The following CTNNA1 variants were observed in gnomAD, a reference collection of about 807,000 sequenced individuals.
The protein encoded by CTNNA1 is catenin alpha-1.
Under a neutral mutation model 98.4 loss-of-function variants are expected in CTNNA1, and 37 were observed. The ratio of observed to expected loss-of-function variants is 0.38; its 90% CI spans 0.29 to 0.49. The LOEUF is 0.49. Ranked by LOEUF, CTNNA1 falls within the 20% of genes least tolerant of loss-of-function variation. CTNNA1 has a pLI of 0.95. For missense variants in CTNNA1, 761 were observed against 1,147.2 expected (o/e 0.66, Z 4.86); for synonymous variants, 404 against 413.2 (o/e 0.98, Z 0.27).
chr5:138,784,604 A>G (rs926413538), intron 3 of CTNNA1, among the ~76,000 whole-genome samples: 5 of 152,214 alleles, frequency 3.3e-5, no homozygotes, highest in Non-Finnish European at 7.4e-5. Context: ...TTAGTTTCCT[A>G]GGGCTTCTAT....
chr5:138,851,485 C>T (rs567856884), intron 7 of CTNNA1, among the ~76,000 whole-genome samples: 72 of 152,166 alleles, frequency 4.7e-4, no homozygotes, highest in African/African-American at 1.5e-3. Context: ...TGGCTGGGCG[C>T]GGTGGCTCAC....
chr5:138,877,388 T>C (rs1751842804), intron 7 of CTNNA1, among the ~76,000 whole-genome samples: 1 of 152,138 alleles, frequency 6.6e-6, no homozygotes, highest in South Asian at 2.1e-4. Context: ...TACAGGAACT[T>C]GCCCCCAAAA....
intron 16 of CTNNA1, chr5:138,932,132 AG>A (rs1209480734): frequency 2.5e-5 from 25 of 990,140 alleles, no homozygotes; most frequent in Non-Finnish European, 2.9e-5. Context: ...GCCTCAGAGC[AG>A]AAGAGTTAAC....
At chr5:138,890,599 G>A (rs190881266) in intron 9 of CTNNA1, among the ~76,000 whole-genome samples, 38 of 152,270 alleles carry the variant, frequency 2.5e-4, no homozygotes, top group South Asian at 1.0e-3. Flanking sequence ...TGAAATCAAG[G>A]TTCATCATCC....
chr5:138,908,252 G>A (rs576695157), intron 10 of CTNNA1, among the ~76,000 whole-genome samples: 10 of 152,154 alleles, frequency 6.6e-5, no homozygotes, highest in South Asian at 4.2e-4. Flanking sequence ...CACTGTGCCC[G>A]GCCTTTCATC....
intron 1 of CTNNA1, chr5:138,754,878 T>G (rs1392261458): frequency 6.6e-6 from 1 of 152,074 alleles, no homozygotes; most frequent in Non-Finnish European, 1.5e-5. Context: ...CCACCTCGGC[T>G]TCCGAAGTAG....
chr5:138,863,350 T>C (rs1414053814), intron 7 of CTNNA1, among the ~76,000 whole-genome samples: 1 of 152,112 alleles, frequency 6.6e-6, no homozygotes, highest in Non-Finnish European at 1.5e-5. Flanking sequence ...ATCTTCCTAC[T>C]TCAGCCTCCC....
At chr5:138,912,928 C>T (rs1166229959) in intron 10 of CTNNA1, among the ~76,000 whole-genome samples, 1 of 152,080 alleles carries the variant, frequency 6.6e-6, no homozygotes, top group East Asian at 1.9e-4. Flanking sequence ...TATTTAAATA[C>T]AGACATACAT....
At chr5:138,905,111 AATACATAC>A (rs58678514) in intron 10 of CTNNA1, among the ~76,000 whole-genome samples, 1 of 139,270 alleles carries the variant, frequency 7.2e-6, no homozygotes, top group South Asian at 2.2e-4. Flanking sequence ...AAAAAAAAAA[AATACATAC>A]ATACATACAT....
At position 138,925,765 on chromosome 5, in the gene CTNNA1, T is replaced by C. The variant is rs141235676; in HGVS notation, c.1899+358T>C. On this transcript the variant is annotated intron_variant, in intron 13 of 17. Transcript: ENST00000302763. ...TTCATAATGCGGATTCAAGTTATTG[T>C]TCACATGAAGTGCCCCTCTCTTCGG... Among the ~76,000 whole-genome samples, 360 of 152,304 alleles carry C rather than the reference T, an allele frequency of 2.4e-3. 1 individual carries two copies. The highest frequency in any genetic ancestry group is 8.4e-3 in the African/African-American group (350 of 41,576).
At chr5:138,890,739 T>G (rs1755155541) in intron 9 of CTNNA1, among the ~76,000 whole-genome samples, 1 of 152,198 alleles carries the variant, frequency 6.6e-6, no homozygotes. Context: ...TCCAGTCCCC[T>G]TCCCTGAAAG....
At chr5:138,854,047 C>T (rs1158274722) in intron 7 of CTNNA1, among the ~76,000 whole-genome samples, 2 of 152,172 alleles carry the variant, frequency 1.3e-5, no homozygotes, top group Non-Finnish European at 2.9e-5. Context: ...TGGAGCCTTT[C>T]CTGCTATAGC....
intron 7 of CTNNA1, among the ~76,000 whole-genome samples, chr5:138,883,647 A>G (rs368928267): frequency 6.6e-6 from 1 of 152,220 alleles, no homozygotes; most frequent in Non-Finnish European, 1.5e-5. Flanking sequence ...TTGGGCTTTC[A>G]TGAAGTCTAC....
chr5:138,783,070 G>A, intron 2 of CTNNA1, 107 bp from the exon 3 acceptor site: 1 of 812,876 alleles, frequency 1.2e-6, no homozygotes, highest in Admixed American at 3.1e-5. Flanking sequence ...ATGTTCAGTG[G>A]AATCTCATGT....
chr5:138,795,327 G>A (rs1277729239), intron 3 of CTNNA1, among the ~76,000 whole-genome samples: 3 of 151,792 alleles, frequency 2.0e-5, no homozygotes, highest in Non-Finnish European at 2.9e-5. Context: ...GCGTGTTGGC[G>A]CACATCTGTA....
At chr5:138,880,680 G>C (rs575580300) in intron 7 of CTNNA1, 1 of 177,708 alleles carries the variant, frequency 5.6e-6, no homozygotes, top group Admixed American at 5.7e-5. Context: ...TACCTACATA[G>C]ATGGCCCAAG....
intron 5 of CTNNA1, among the ~76,000 whole-genome samples, chr5:138,812,864 T>A (rs995492854): frequency 1.6e-4 from 24 of 152,222 alleles, no homozygotes; most frequent in African/African-American, 5.3e-4. Context: ...CCTGTGCCCT[T>A]GCTGTTGGAC....
At chr5:138,777,790 C>G (rs1422112309) in intron 1 of CTNNA1, among the ~76,000 whole-genome samples, 1 of 149,980 alleles carries the variant, frequency 6.7e-6, no homozygotes, top group Admixed American at 6.7e-5. Flanking sequence ...GAGGCTGCAG[C>G]GAGCTGAGAT....
At chr5:138,877,549 G>A (rs376107902) in intron 7 of CTNNA1, among the ~76,000 whole-genome samples, 1,685 of 151,340 alleles carry the variant, frequency 0.011, 27 homozygotes, top group African/African-American at 0.039. Context: ...CCGGGTTCAC[G>A]CCATTCTCCT....
Sources: allele counts gnomAD v4.1 joint callset (sites outside exome capture counted in the v4.1 genomes callset), GRCh38; gene constraint gnomAD v4.1.1; transcripts MANE v1.5; gene names NCBI Gene and HGNC (gene_info 2026-07-23, HGNC 2026-07-21).